Variants in IGSF9 observed in about 807,000 individuals in gnomAD.
IGSF9 encodes protein turtle homolog A.
Under a neutral mutation model 121.7 loss-of-function variants are expected in IGSF9, and 87 were observed. That is an observed-to-expected ratio of 0.71 (90% CI 0.60 to 0.85). The LOEUF (loss-of-function observed/expected upper bound fraction) is 0.85. IGSF9 is among the 40% of genes least tolerant of loss of function. IGSF9 has a pLI of 0.00. For synonymous variants in IGSF9, 640 were observed against 648.4 expected, an observed-to-expected ratio of 0.99 and a Z score of 0.20; for missense variants, 1,462 against 1,565.3, an observed-to-expected ratio of 0.93 and a Z score of 1.11.
intron 3 of IGSF9, among the ~76,000 whole-genome samples, chr1:159,942,593 G>T (rs187602702): frequency 2.2e-4 from 34 of 152,310 alleles, no homozygotes; most frequent in Admixed American, 1.5e-3. Flanking sequence ...CAAGAGGGGA[G>T]ACTACAGATC....
Position 159,943,547 on chromosome 1 carries a change from G to T in IGSF9, c.-93C>A. On this transcript the variant is annotated 5_prime_UTR_variant, in exon 2 of 21. Coordinates refer to ENST00000368094, the MANE Select transcript of IGSF9 (RefSeq NM_001135050.2). The stretch of plus-strand genomic sequence containing the variant: ...TCCTTCTGATCAGCTCAGGGAACAG[G>T]TTTCAGCTCTCACTCTTCTGTACAG... The T allele has an allele frequency of 8.0e-7, 1 of 1,242,976 alleles. No individual in the cohort carries two copies. The highest frequency in any genetic ancestry group is 1.1e-6 in the Non-Finnish European group (1 of 919,704). 77.0% of individuals were successfully genotyped at this position (1,242,976 alleles called of 1,614,324 possible).
chr1:159,943,140 G>T lies in IGSF9; in HGVS notation c.70C>A (p.Pro24Thr), dbSNP rs766740630. ...CGGCCCACCACCGATACCACCTCAG[G>T]CTTCCCTCGACCTGCATGATGGGTG... The part of the protein sequence containing the change: ...ISQGADGRGK[P>T]EVVSVVGRAG... Residue 24 changes from proline to threonine, a missense_variant, in exon 3 of 21, where the codon CCT becomes ACT. Physicochemically the swap from Pro to Thr is conservative, Grantham distance 38. Transcript: ENST00000368094. The T allele has an allele frequency of 1.9e-6, 3 of 1,592,814 alleles. No individual in the cohort carries two copies. The African/African-American group carries it at 4.1e-5, about 22-fold the overall frequency.
At position 159,928,240 on chromosome 1, in the gene IGSF9, G is replaced by A. The variant is rs1650818165; in HGVS notation, c.3148C>T (p.Pro1050Ser). The stretch of plus-strand genomic sequence containing the variant: ...CAGCTGCTGGTGTCTCCTGGAGCAG[G>A]GCTGAGGTAGCTGCCTCCTGCAGAG... ...APSAGGSYLS[P>S]APGDTSSWAS... The change falls in exon 19 of 21, where the codon CCT (proline) becomes TCT (serine). Residue 1050 changes from proline (P) to serine (S), a missense_variant. This residue lies in a region of IGSF9 where 808 missense variants were observed against 815.2 expected (regional missense o/e 0.99). Coordinates refer to ENST00000368094, the MANE Select transcript of IGSF9 (RefSeq NM_001135050.2). 1.2e-6 allele frequency: 2 copies of A among 1,613,238 alleles called. No homozygotes were observed. The highest frequency in any genetic ancestry group is 1.7e-5 in the Admixed American group (1 of 60,026).
intron 6 of IGSF9, 119 bp from the exon 7 acceptor site, chr1:159,934,941 G>C (rs1246823117): frequency 2.5e-6 from 3 of 1,190,200 alleles, no homozygotes; most frequent in Non-Finnish European, 3.5e-6. Context: ...CGTTGTTACA[G>C]GGCTTTGGGG....
At chr1:159,936,331 A>G (rs1651182238) in intron 6 of IGSF9, 68 bp downstream of exon 6, 5 of 1,387,210 alleles carry the variant, frequency 3.6e-6, no homozygotes, top group East Asian at 2.3e-5. Context: ...CTGTGAACCA[A>G]TTCAGCCACA....
Position 159,927,139 on chromosome 1 carries a change from T to C in IGSF9, c.*206A>G. Reference sequence around the variant, plus strand: ...AGAGAGAGAGAGAGAGAGGCAGACCTAAGATCCCTGTTCCAATCCCCAGAC... The same window carrying C: ...AGAGAGAGAGAGAGAGAGGCAGACCCAAGATCCCTGTTCCAATCCCCAGAC... On this transcript the variant is annotated 3_prime_UTR_variant, in exon 21 of 21. Coordinates refer to ENST00000368094, the MANE Select transcript of IGSF9 (RefSeq NM_001135050.2). The C allele has an allele frequency of 1.8e-6, 1 of 545,820 alleles. No individual in the cohort carries two copies. Among genetic ancestry groups the C allele is most frequent in the East Asian group, 3.3e-5 (1 of 30,210 alleles). The allele number at this position is 545,820 out of a possible 1,614,324, so 33.8% of individuals were successfully genotyped here.
intron 6 of IGSF9, 51 bp downstream of exon 6, chr1:159,936,348 A>G (rs1651182612): frequency 1.3e-6 from 2 of 1,494,318 alleles, no homozygotes; most frequent in Non-Finnish European, 1.9e-6. Flanking sequence ...CACAGGTCAC[A>G]GCCCCCTTGC....
rs146580456 is a variant in IGSF9, at chr1:159,943,034, C to T, written c.176G>A (p.Arg59His). Residue 59 changes from arginine (R) to histidine (H), a missense_variant, in exon 3 of 21, where the codon CGC (arginine) becomes CAC (histidine). Physicochemically the swap from Arg to His is conservative, Grantham distance 29 (BLOSUM62 0). Around this residue, in one of 3 missense-constraint regions of IGSF9, gnomAD observed 558 missense variants for 599.4 expected, o/e 0.93. Transcript: ENST00000368094. ...GAAGATGGGAAGCAGGAATCCAAAG[C>T]GCAGCCACTCGATGACATGCAGGGG... ...RPPLHVIEWL[R>H]FGFLLPIFIQ... is the part of the protein sequence containing the mutation. 4.1e-5 allele frequency: 66 copies of T among 1,613,094 alleles called. No homozygotes were observed. Among genetic ancestry groups the T allele is most frequent in the Non-Finnish European group, 5.3e-5 (63 of 1,179,624 alleles).
chr1:159,936,853 C>CTCCA lies in IGSF9; in HGVS notation c.452_455dup (p.Glu152AspfsTer62). 6.2e-7 allele frequency: 1 copy of CTCCA among 1,614,230 alleles called. No individual in the cohort carries two copies. Among genetic ancestry groups the CTCCA allele is most frequent in the Non-Finnish European group, 8.5e-7 (1 of 1,180,024 alleles). ...GGGCCACACAACGCAGGGTCACAGG[C>CTCCA]TCCAGTTCCTGCACTTCCAACACAG... is the stretch of plus-strand genomic sequence containing the variant. On this transcript the variant is annotated frameshift_variant, in exon 5 of 21. Coordinates refer to ENST00000368094, the MANE Select transcript of IGSF9 (RefSeq NM_001135050.2). LOFTEE classifies it high-confidence loss of function.
At position 159,928,921 on chromosome 1, in the gene IGSF9, G is replaced by T; in HGVS notation, c.2467C>A (p.Pro823Thr). ...SLRQSLLWGD[P>T]AGTPSPHPDP... ...GGGTGGGGGCTGGGAGTTCCGGCAGGATCCCCCCAGAGCAGACTCTGGCGC... is the reference window on the plus strand; with the variant it reads ...GGGTGGGGGCTGGGAGTTCCGGCAGTATCCCCCCAGAGCAGACTCTGGCGC... Residue 823 changes from proline to threonine, a missense_variant, in exon 19 of 21, where the codon CCT (proline) becomes ACT (threonine). Around this residue, in one of 3 missense-constraint regions of IGSF9, gnomAD observed 808 missense variants for 815.2 expected, o/e 0.99. Transcript: ENST00000368094. 1 of 1,585,172 alleles carries T rather than the reference G, an allele frequency of 6.3e-7. No individual in the cohort carries two copies. The highest frequency in any genetic ancestry group is 8.6e-7 in the Non-Finnish European group (1 of 1,167,126).
Position 159,934,173 on chromosome 1 carries a change from C to T in IGSF9, c.1104+17G>A. ...ACGCCAAGCTAAGACCCTCCTTCCC[C>T]TGCCCCAAGCCTGTACCTTGTCCAG... On this transcript the variant is annotated intron_variant, in intron 9 of 20. Transcript: ENST00000368094. 1 of 1,605,816 alleles carries T rather than the reference C, an allele frequency of 6.2e-7. No homozygotes were observed. Among genetic ancestry groups the T allele is most frequent in the Non-Finnish European group, 8.5e-7 (1 of 1,175,980 alleles).
At chr1:159,941,254 A>G (rs916786324) in intron 3 of IGSF9, among the ~76,000 whole-genome samples, 11 of 152,192 alleles carry the variant, frequency 7.2e-5, no homozygotes, top group Admixed American at 2.6e-4. Context: ...CAGAGGGCTT[A>G]TGACAGAAGA....
intron 15 of IGSF9, 77 bp from the exon 16 acceptor site, chr1:159,930,052 G>T: frequency 1.9e-6 from 3 of 1,559,778 alleles, no homozygotes; most frequent in Non-Finnish European, 2.6e-6. Flanking sequence ...GAAAGACCGT[G>T]CACGTGGGAC....
intron 3 of IGSF9, among the ~76,000 whole-genome samples, chr1:159,938,360 C>T (rs1029134213): frequency 2.0e-5 from 3 of 152,182 alleles, no homozygotes; most frequent in Admixed American, 1.3e-4. Context: ...GCAGCCTAAG[C>T]GCCTTAGGGT....
intron 3 of IGSF9, among the ~76,000 whole-genome samples, chr1:159,941,293 G>A (rs1651370310): frequency 6.6e-6 from 1 of 152,204 alleles, no homozygotes; most frequent in Non-Finnish European, 1.5e-5. Flanking sequence ...TCTACCTCCT[G>A]TTGCTTAGCA....
chr1:159,932,414 G>C lies in IGSF9; in HGVS notation c.1245+98C>G. ...AACAAACTTGGAAACCCCTCCCCAT[G>C]TGTCTGCCCCACCCCACCCCCATCA... On this transcript the variant is annotated intron_variant, in intron 10 of 20. Transcript: ENST00000368094. This position sits in a 1 kb window ranked among gnomAD's most constrained non-coding sequence, Gnocchi z 4.1. 1.1e-6 allele frequency: 1 copy of C among 946,016 alleles called. No individual in the cohort carries two copies. The highest frequency in any genetic ancestry group is 1.6e-6 in the Non-Finnish European group (1 of 625,360). The allele number at this position is 946,016 out of a possible 1,614,324, so 58.6% of individuals were successfully genotyped here. A position where few individuals can be genotyped will look rare whatever the true frequency, so the allele number is the denominator to read the frequency against.
rs148140908 is a variant in IGSF9, at chr1:159,937,024, C to T, written c.401-116G>A. The stretch of plus-strand genomic sequence containing the variant: ...CCTGCTGCCCACCCACCAGCCCTGC[C>T]TCATAGGAGTCCTCAGCCCAGGGCC... On this transcript the variant is annotated intron_variant, in intron 4 of 20. Transcript: ENST00000368094. The T allele has an allele frequency of 2.8e-4, 283 of 1,023,860 alleles. 1 individual carries two copies. In the East Asian group the frequency reaches 7.1e-3, roughly 26 times the overall value. The allele number at this position is 1,023,860 out of a possible 1,614,324, so 63.4% of individuals were successfully genotyped here.
chr1:159,939,985 AC>A (rs998146692), intron 3 of IGSF9, among the ~76,000 whole-genome samples: 2 of 152,186 alleles, frequency 1.3e-5, no homozygotes, highest in African/African-American at 4.8e-5. Flanking sequence ...CCCACATGAT[AC>A]TTTTCATTAT....
intron 6 of IGSF9, among the ~76,000 whole-genome samples, chr1:159,935,656 C>T (rs76423883): frequency 0.089 from 13,617 of 152,242 alleles, 1,168 homozygotes; most frequent in African/African-American, 0.22. Flanking sequence ...TGACTGCATG[C>T]GGGACACTGA....
Sources: gnomAD v4.1 joint callset for allele counts (sites outside exome capture counted in the v4.1 genomes callset) on GRCh38, gnomAD v4.1.1 for gene constraint, gnomAD v4.1.1 regional missense constraint, Gnocchi (gnomAD v3.1) non-coding constraint, MANE v1.5 for transcripts, NCBI Gene and HGNC (gene_info 2026-07-23, HGNC 2026-07-21) for gene names.